Variants in UNK observed in about 807,000 individuals in gnomAD.
UNK encodes unk zinc finger.
In UNK, 32 loss-of-function variants were observed where a neutral mutation model predicts 97.6. The observed-to-expected ratio is 0.33, with a 90% CI of 0.25 to 0.44. The LOEUF (loss-of-function observed/expected upper bound fraction) is 0.44. UNK is among the 20% of genes least tolerant of loss of function. The probability of loss-of-function intolerance (pLI) is 1.00; values close to 1 mark genes in which losing one functional copy is unlikely to be tolerated. For missense variants in UNK, 771 were observed against 1,098.4 expected (o/e 0.70, Z 4.21); for synonymous variants, 441 against 461.2 (o/e 0.96, Z 0.56).
chr17:75,793,778 AG>A, intron 1 of UNK: 3 of 985,446 alleles, frequency 3.0e-6, no homozygotes, highest in Non-Finnish European at 3.6e-6. Flanking sequence ...TTTAATAAGG[AG>A]GGGGAAGGTC....
Position 75,816,924 on chromosome 17 carries a change from T to TC in UNK, c.1104+14dup. ...CTGACCTCAGTGCCGTACGTGTCCATCCTGGGGAGTGGGTGGGCACCATGC... is the reference window on the plus strand; with the variant it reads ...CTGACCTCAGTGCCGTACGTGTCCATCCCTGGGGAGTGGGTGGGCACCATGC... On this transcript the variant is annotated intron_variant, in intron 8 of 15. Transcript: ENST00000589666. The surrounding 1 kb of genome is among the most constrained non-coding windows in gnomAD (Gnocchi z 4.0). The TC allele has an allele frequency of 6.3e-7, 1 of 1,596,326 alleles. No individual in the cohort carries two copies. The highest frequency in any genetic ancestry group is 8.5e-7 in the Non-Finnish European group (1 of 1,176,492).
intron 13 of UNK, 69 bp from the exon 14 acceptor site, chr17:75,822,408 G>A: frequency 1.3e-6 from 2 of 1,516,920 alleles, no homozygotes; most frequent in Non-Finnish European, 1.8e-6. Flanking sequence ...TGGAACCTCT[G>A]AGGCAGGGCT....
chr17:75,795,316 G>C (rs986514452), intron 1 of UNK, among the ~76,000 whole-genome samples: 1 of 151,934 alleles, frequency 6.6e-6, no homozygotes, highest in Non-Finnish European at 1.5e-5. Context: ...AAACTTTGTG[G>C]GCTTTTTGTT....
intron 13 of UNK, among the ~76,000 whole-genome samples, chr17:75,820,723 G>A (rs1394306080): frequency 6.6e-6 from 1 of 152,088 alleles, no homozygotes; most frequent in African/African-American, 2.4e-5. Context: ...GGCCGGCTGT[G>A]CATCTCCTCT....
intron 1 of UNK, among the ~76,000 whole-genome samples, chr17:75,799,790 A>G (rs2061839025): frequency 6.6e-6 from 1 of 152,122 alleles, no homozygotes; most frequent in Admixed American, 6.6e-5. Flanking sequence ...AGGGGACAAC[A>G]TGATCAAAAG....
At chr17:75,787,246 C>G (rs1184450451) in intron 1 of UNK, among the ~76,000 whole-genome samples, 2 of 152,070 alleles carry the variant, frequency 1.3e-5, no homozygotes, top group East Asian at 1.9e-4. Flanking sequence ...GATAGGGTCT[C>G]TGTCATCCAG....
At chr17:75,815,137 T>A (rs1004273123) in intron 6 of UNK, 32 bp from the exon 7 acceptor site, 1 of 1,602,336 alleles carries the variant, frequency 6.2e-7, no homozygotes, top group African/African-American at 1.3e-5. Context: ...CCTCAGGGCC[T>A]GAGCCTGACT....
chr17:75,821,281 T>A (rs1357526871), intron 13 of UNK: 1 of 413,024 alleles, frequency 2.4e-6, no homozygotes, highest in African/African-American at 2.0e-5. Flanking sequence ...CATGTGACTA[T>A]TGAGCACAGG....
At chr17:75,791,534 A>G (rs1226766532) in intron 1 of UNK, among the ~76,000 whole-genome samples, 3 of 152,184 alleles carry the variant, frequency 2.0e-5, no homozygotes, top group Non-Finnish European at 2.9e-5. Context: ...ACCAATAAAC[A>G]TTTCTGGATC....
intron 5 of UNK, 117 bp from the exon 6 acceptor site, chr17:75,813,644 C>T: frequency 1.2e-6 from 1 of 869,288 alleles, no homozygotes; most frequent in Non-Finnish European, 1.7e-6. Context: ...CCTGACTCTG[C>T]AGCTGGTCTT....
At chr17:75,821,719 T>G (rs74922427) in intron 13 of UNK, 5 of 456,046 alleles carry the variant, frequency 1.1e-5, no homozygotes, top group African/African-American at 1.0e-4. Context: ...AGGCCAGAGG[T>G]GGATATGGGT....
Position 75,818,015 on chromosome 17 carries a change from G to GC in UNK, c.1306-83dup. ...AGGGGTTGCATGTCTGCCACCACCT[G>GC]CCCCCTGGTACCTGCAGCCTCAGGG... On this transcript the variant is annotated intron_variant, in intron 9 of 15. Transcript: ENST00000589666. This position sits in a 1 kb window ranked among gnomAD's most constrained non-coding sequence, Gnocchi z 5.1. The GC allele has an allele frequency of 1.5e-6, 2 of 1,328,800 alleles. No homozygotes were observed. The allele number at this position is 1,328,800 out of a possible 1,614,324, so 82.3% of individuals were successfully genotyped here. A position where few individuals can be genotyped will look rare whatever the true frequency, so the allele number is the denominator to read the frequency against.
intron 1 of UNK, 33 bp from the exon 2 acceptor site, chr17:75,809,727 C>T: frequency 2.6e-6 from 4 of 1,565,564 alleles, no homozygotes; most frequent in Non-Finnish European, 3.5e-6. Flanking sequence ...ATTCTCTGCT[C>T]CCGGCCTGCC....
chr17:75,824,493 T>C lies in UNK; in HGVS notation c.*76T>C. 4 of 861,072 alleles carry C rather than the reference T, an allele frequency of 4.6e-6. No individual in the cohort carries two copies. The highest frequency in any genetic ancestry group is 6.0e-6 in the Non-Finnish European group (4 of 668,430). 53.3% of individuals were successfully genotyped at this position (861,072 alleles called of 1,614,324 possible). On this transcript the variant is annotated 3_prime_UTR_variant, in exon 16 of 16. Coordinates refer to ENST00000589666, the MANE Select transcript of UNK (RefSeq NM_001080419.3). The surrounding 1 kb of genome is among the most constrained non-coding windows in gnomAD (Gnocchi z 4.9). ...TAAAGTATATATATATATATGAATA[T>C]ATATATATATGTGTATGTATGTATG...
chr17:75,821,743 C>T, intron 13 of UNK: 3 of 456,438 alleles, frequency 6.6e-6, no homozygotes, highest in Non-Finnish European at 1.3e-5. Context: ...TCTCGGAAGC[C>T]CGGGGCTGCC....
chr17:75,792,592 T>C, intron 1 of UNK: 2 of 628,324 alleles, frequency 3.2e-6, no homozygotes, highest in Non-Finnish European at 4.0e-6. Context: ...TCTTGTTTTC[T>C]TACCATATAG....
intron 1 of UNK, among the ~76,000 whole-genome samples, chr17:75,788,458 G>C (rs936125566): frequency 1.3e-5 from 2 of 152,096 alleles, no homozygotes; most frequent in African/African-American, 2.4e-5. Flanking sequence ...GATTACAGGC[G>C]TGAGCCACTG....
At position 75,818,022 on chromosome 17, in the gene UNK, G is replaced by A. The variant is rs537557779; in HGVS notation, c.1306-81G>A. ...GCATGTCTGCCACCACCTGCCCCCT[G>A]GTACCTGCAGCCTCAGGGTCAGATG... is the stretch of plus-strand genomic sequence containing the variant. On this transcript the variant is annotated intron_variant, in intron 9 of 15. Transcript: ENST00000589666. The surrounding 1 kb of genome is among the most constrained non-coding windows in gnomAD (Gnocchi z 5.1). 4.2e-6 allele frequency: 6 copies of A among 1,424,216 alleles called. No homozygotes were observed. The South Asian group carries it at 6.9e-5, about 16-fold the overall frequency. The allele number at this position is 1,424,216 out of a possible 1,614,324, so 88.2% of individuals were successfully genotyped here.
chr17:75,792,064 A>G, intron 1 of UNK: 1 of 985,328 alleles, frequency 1.0e-6, no homozygotes, highest in African/African-American at 1.7e-5. Context: ...GAGCACGCTT[A>G]GGTAACTAGA....
Sources: allele counts gnomAD v4.1 joint callset (sites outside exome capture counted in the v4.1 genomes callset), GRCh38; gene constraint gnomAD v4.1.1; non-coding constraint Gnocchi (gnomAD v3.1); transcripts MANE v1.5; gene names NCBI Gene and HGNC (gene_info 2026-07-23, HGNC 2026-07-21).